The following PXN variants were observed in gnomAD, a reference collection of about 807,000 sequenced individuals.
PXN encodes testicular tissue protein Li 134.
PXN carries 61 observed loss-of-function variants against 103.6 expected under a neutral mutation model. The observed-to-expected ratio is 0.59, with a 90% CI of 0.48 to 0.73. The LOEUF (loss-of-function observed/expected upper bound fraction) is 0.73, where lower values mean the gene tolerates loss of function less well. Ranked by LOEUF, PXN falls within the 30% of genes least tolerant of loss-of-function variation. The pLI is 0.00. For synonymous variants in PXN, 562 were observed against 607.8 expected (o/e 0.92, Z 1.11); for missense variants, 1,274 against 1,460.3 (o/e 0.87, Z 2.08).
intron 1 of PXN, among the ~76,000 whole-genome samples, chr12:120,257,567 TC>T (rs1318430298): frequency 1.3e-5 from 2 of 152,142 alleles, no homozygotes; most frequent in Non-Finnish European, 2.9e-5. Context: ...GGCCCTCACC[TC>T]TGCCTCAGAG....
Position 120,215,883 on chromosome 12 carries a change from G to A in PXN, c.2302-222C>T. The A allele has an allele frequency of 7.3e-7, 1 of 1,361,694 alleles. No homozygotes were observed. Among genetic ancestry groups the A allele is most frequent in the Non-Finnish European group, 9.6e-7 (1 of 1,045,080 alleles). The allele number at this position is 1,361,694 out of a possible 1,614,324, so 84.4% of individuals were successfully genotyped here. ...CAGGGAGGGGAGTCGACCAAAGGCA[G>A]AGGAAATGGCAAGGGGAGGTGGCCG... is the stretch of plus-strand genomic sequence containing the variant. On this transcript the variant is annotated intron_variant, in intron 9 of 14. Coordinates refer to ENST00000637617, the MANE Select transcript of PXN (RefSeq NM_001385981.1). This position sits in a 1 kb window ranked among gnomAD's most constrained non-coding sequence, Gnocchi z 4.9.
At chr12:120,244,132 C>T (rs945862519) in intron 1 of PXN, among the ~76,000 whole-genome samples, 6 of 149,784 alleles carry the variant, frequency 4.0e-5, no homozygotes, top group South Asian at 2.2e-4. Flanking sequence ...CAAGTTGTTC[C>T]TACTCTTCTA....
At position 120,216,292 on chromosome 12, in the gene PXN, G is replaced by A. The variant is rs536183414; in HGVS notation, c.2282C>T (p.Pro761Leu). Residue 761 changes from proline (P) to leucine (L), a missense_variant, in exon 9 of 15, where the codon CCG becomes CTG. Around this residue, in one of 2 missense-constraint regions of PXN, gnomAD observed 1,178 missense variants for 1,309.0 expected, o/e 0.90. Transcript: ENST00000637617. This position sits in a 1 kb window ranked among gnomAD's most constrained non-coding sequence, Gnocchi z 5.1. Reference protein sequence around the residue: ...RSVGCQTDEDPLFPPMQIQGL... With the variant: ...RSVGCQTDEDLLFPPMQIQGL... ...GCCTGCCTGCATCGGGGGGAAGAGC[G>A]GGTCCTCATCAGTCTGGCAGCCCAC... 4.0e-4 allele frequency: 514 copies of A among 1,278,686 alleles called. 2 individuals are homozygous for A. The highest frequency in any genetic ancestry group is 4.8e-4 in the Non-Finnish European group (488 of 1,017,164). The allele number at this position is 1,278,686 out of a possible 1,614,324, so 79.2% of individuals were successfully genotyped here.
chr12:120,226,510 T>C lies in PXN; in HGVS notation c.14-2133A>G, dbSNP rs1304925563. The C allele has an allele frequency of 1.0e-5, 13 of 1,251,932 alleles. No individual in the cohort carries two copies. The East Asian group carries it at 6.9e-4, about 67-fold the overall frequency. The allele number at this position is 1,251,932 out of a possible 1,614,324, so 77.6% of individuals were successfully genotyped here. A position where few individuals can be genotyped will look rare whatever the true frequency, so the allele number is the denominator to read the frequency against. On this transcript the variant is annotated intron_variant, in intron 1 of 14. Coordinates refer to ENST00000637617, the MANE Select transcript of PXN (RefSeq NM_001385981.1). The stretch of plus-strand genomic sequence containing the variant: ...CTCCAAACACCCAACAGAAGACAAA[T>C]GGTCAGGCTTCCTTGTCAAACATTT...
At chr12:120,254,249 G>A (rs1052173504) in intron 1 of PXN, among the ~76,000 whole-genome samples, 4 of 152,148 alleles carry the variant, frequency 2.6e-5, no homozygotes, top group African/African-American at 9.7e-5. Flanking sequence ...GGTTACTATG[G>A]GTGGAAGTGG....
At chr12:120,257,148 C>G (rs549810300) in intron 1 of PXN, among the ~76,000 whole-genome samples, 14 of 152,180 alleles carry the variant, frequency 9.2e-5, no homozygotes, top group African/African-American at 3.1e-4. Context: ...GGTTCCACCC[C>G]CCTTGCTCCA....
chr12:120,222,627 C>G lies in PXN; in HGVS notation c.617G>C (p.Gly206Ala). Residue 206 changes from glycine (G) to alanine (A), a missense_variant, in exon 5 of 15, where the codon GGG becomes GCG. Around this residue, in one of 2 missense-constraint regions of PXN, gnomAD observed 1,178 missense variants for 1,309.0 expected, o/e 0.90. Transcript: ENST00000637617. The surrounding 1 kb of genome is among the most constrained non-coding windows in gnomAD (Gnocchi z 4.7). ...PLTKEKPKRN[G>A]GRGLEDVRPS... ...CCGCACGTCCTCCAGGCCCCGGCCC[C>G]CATTCCGCTTAGGCTTCTCTTTCGT... The G allele has an allele frequency of 6.2e-7, 1 of 1,609,778 alleles. No homozygotes were observed. The highest frequency in any genetic ancestry group is 1.3e-5 in the African/African-American group (1 of 75,014).
rs745756998 is a variant in PXN at position 120,224,258 on chromosome 12, C to G, written c.133G>C (p.Val45Leu). 2 of 1,613,406 alleles carry G rather than the reference C, an allele frequency of 1.2e-6. No homozygotes were observed. Among genetic ancestry groups the G allele is most frequent in the Non-Finnish European group, 1.7e-6 (2 of 1,179,528 alleles). The change falls in exon 2 of 15, where the codon GTG becomes CTG. Residue 45 changes from valine (V) to leucine (L), a missense_variant. Transcript: ENST00000637617. This position sits in a 1 kb window ranked among gnomAD's most constrained non-coding sequence, Gnocchi z 5.0. ...GGGGGTGGGGGGACGGGGGGTGGCA[C>G]GGCAATCTCCTGGTATGTGTGGTTT... ...TGNHTYQEIA[V>L]PPPVPPPPSS...
At position 120,215,582 on chromosome 12, in the gene PXN, G is replaced by C; in HGVS notation, c.2381C>G (p.Pro794Arg). ...GWPRDGGRSS[P>R]GGQDEGGFMA... is the part of the protein sequence containing the mutation. ...GACCCCTCCCTCGTCCTGCCCTCCG[G>C]GGCTGCTCCGCCCGCCGTCCCGAGG... Residue 794 changes from proline (P) to arginine (R), a missense_variant, in exon 10 of 15, where the codon CCC (proline) becomes CGC (arginine). Around this residue, in one of 2 missense-constraint regions of PXN, gnomAD observed 1,178 missense variants for 1,309.0 expected, o/e 0.90. Transcript: ENST00000637617. The surrounding 1 kb of genome is among the most constrained non-coding windows in gnomAD (Gnocchi z 4.9). 6.2e-7 allele frequency: 1 copy of C among 1,605,830 alleles called. No individual in the cohort carries two copies. Among genetic ancestry groups the C allele is most frequent in the South Asian group, 1.1e-5 (1 of 90,686 alleles).
At chr12:120,255,107 G>A (rs897923206) in intron 1 of PXN, among the ~76,000 whole-genome samples, 6 of 152,154 alleles carry the variant, frequency 3.9e-5, no homozygotes, top group African/African-American at 1.4e-4. Context: ...TCACGTCAGG[G>A]GTGGAAATAT....
In PXN at chr12:120,222,658, G is replaced by A; in HGVS notation, c.586C>T (p.Pro196Ser). The A allele has an allele frequency of 1.2e-6, 2 of 1,608,290 alleles. No individual in the cohort carries two copies. Among genetic ancestry groups the A allele is most frequent in the Non-Finnish European group, 8.5e-7 (1 of 1,177,604 alleles). ...TNSPLGGKAG[P>S]LTKEKPKRNG... ...CGCTTAGGCTTCTCTTTCGTCAGGGGCCCAGCTTTGCCTCCCAAGGGGCTG... is the reference window on the plus strand; with the variant it reads ...CGCTTAGGCTTCTCTTTCGTCAGGGACCCAGCTTTGCCTCCCAAGGGGCTG... Residue 196 changes from proline (P) to serine (S), a missense_variant, in exon 5 of 15, where the codon CCC becomes TCC. Physicochemically the swap from Pro to Ser is moderately conservative, Grantham distance 74 (BLOSUM62 -1). This residue lies in a region of PXN where 1,178 missense variants were observed against 1,309.0 expected (regional missense o/e 0.90). Coordinates refer to ENST00000637617, the MANE Select transcript of PXN (RefSeq NM_001385981.1). The surrounding 1 kb of genome is among the most constrained non-coding windows in gnomAD (Gnocchi z 4.7).
Position 120,220,121 on chromosome 12 carries a change from G to GGA in PXN, c.832-32_832-31dup, listed in dbSNP as rs376471619. On this transcript the variant is annotated intron_variant, in intron 6 of 14. Transcript: ENST00000637617. The surrounding 1 kb of genome is among the most constrained non-coding windows in gnomAD (Gnocchi z 6.1). ...AGAAGAGAGAAATGCAGAGGGGAGA[G>GGA]GAGAGAGAGAGATGAGGGGAGTGAG... The GGA allele has an allele frequency of 5.6e-6, 5 of 891,390 alleles. No individual in the cohort carries two copies. Among genetic ancestry groups the GGA allele is most frequent in the Admixed American group, 2.8e-5 (1 of 35,192 alleles). The allele number at this position is 891,390 out of a possible 1,614,324, so 55.2% of individuals were successfully genotyped here. A position where few individuals can be genotyped will look rare whatever the true frequency, so the allele number is the denominator to read the frequency against.
In PXN at chr12:120,224,735, G is replaced by A. The variant is rs1166758421; in HGVS notation, c.14-358C>T. 1 of 520,798 alleles carries A rather than the reference G, an allele frequency of 1.9e-6. No homozygotes were observed. Among genetic ancestry groups the A allele is most frequent in the Non-Finnish European group, 3.7e-6 (1 of 269,648 alleles). The allele number at this position is 520,798 out of a possible 1,614,324, so 32.3% of individuals were successfully genotyped here. A position where few individuals can be genotyped will look rare whatever the true frequency, so the allele number is the denominator to read the frequency against. On this transcript the variant is annotated intron_variant, in intron 1 of 14. Transcript: ENST00000637617. The surrounding 1 kb of genome is among the most constrained non-coding windows in gnomAD (Gnocchi z 5.0). ...CTGTCTGGAACTCTGAATCTGCAGG[G>A]CAACGCGGAGAGAATGGGCGGGAGG...
At position 120,217,083 on chromosome 12, in the gene PXN, C is replaced by T; in HGVS notation, c.1750G>A (p.Gly584Ser). The change falls in exon 8 of 15, where the codon GGC becomes AGC. Residue 584 changes from glycine (G) to serine (S), a missense_variant. Transcript: ENST00000637617. The surrounding 1 kb of genome is among the most constrained non-coding windows in gnomAD (Gnocchi z 4.1). ...TCCCGGGACATGGGGTGTGCGTGGC[C>T]AGACTCCCAGCTCCTCCTGATCACA... ...RSVIRRSWES[G>S]HAHPMSREPS... The T allele has an allele frequency of 6.3e-7, 1 of 1,591,236 alleles. No individual in the cohort carries two copies. Among genetic ancestry groups the T allele is most frequent in the South Asian group, 1.1e-5 (1 of 89,310 alleles).
intron 3 of PXN, among the ~76,000 whole-genome samples, chr12:120,223,470 G>A (rs532374447): frequency 6.6e-6 from 1 of 152,162 alleles, no homozygotes; most frequent in Admixed American, 6.5e-5. Flanking sequence ...AAGAGGGGAG[G>A]AATGAAGTCT....
chr12:120,230,243 C>T (rs1887733512), intron 1 of PXN, among the ~76,000 whole-genome samples: 1 of 152,204 alleles, frequency 6.6e-6, no homozygotes, highest in South Asian at 2.1e-4. Context: ...CAGGGGCCTT[C>T]CCCGCAGCCC....
chr12:120,235,721 C>A (rs148999655), intron 1 of PXN, among the ~76,000 whole-genome samples: 2 of 152,274 alleles, frequency 1.3e-5, no homozygotes, highest in Non-Finnish European at 1.5e-5. Context: ...CACAGAGGAG[C>A]CCCTAGTGGT....
chr12:120,216,677 C>CACTCTGCACCAAGAGTGGG lies in PXN; in HGVS notation c.1993-115_1993-97dup, dbSNP rs1883145643. On this transcript the variant is annotated intron_variant, in intron 8 of 14. Coordinates refer to ENST00000637617, the MANE Select transcript of PXN (RefSeq NM_001385981.1). The surrounding 1 kb of genome is among the most constrained non-coding windows in gnomAD (Gnocchi z 5.1). ...TCCCCAGGCTCCCCCTGGGCCTTCC[C>CACTCTGCACCAAGAGTGGG]ACTCTGCACCAAGAGTGGGGCCAGT... 1.3e-6 allele frequency: 2 copies of CACTCTGCACCAAGAGTGGG among 1,583,416 alleles called. No homozygotes were observed. Among genetic ancestry groups the CACTCTGCACCAAGAGTGGG allele is most frequent in the African/African-American group, 1.4e-5 (1 of 73,638 alleles).
At chr12:120,218,042 ATTT>A (rs1167466002) in intron 7 of PXN, among the ~76,000 whole-genome samples, 4 of 99,238 alleles carry the variant, frequency 4.0e-5, no homozygotes, top group Non-Finnish European at 4.2e-5. Flanking sequence ...AGCTTGGGGG[ATTT>A]TTTTTTTTTT....
Sources: allele counts gnomAD v4.1 joint callset (sites outside exome capture counted in the v4.1 genomes callset), GRCh38; gene constraint gnomAD v4.1.1; regional missense constraint gnomAD v4.1.1; non-coding constraint Gnocchi (gnomAD v3.1); transcripts MANE v1.5; gene names NCBI Gene and HGNC (gene_info 2026-07-23, HGNC 2026-07-21).